TRABD2B: variants seen among roughly 807,000 people sequenced by gnomAD.
TRABD2B encodes TraB domain containing 2B, also known as metalloprotease TIKI2.
Under a neutral mutation model 40.1 loss-of-function variants are expected in TRABD2B, and 14 were observed. The observed-to-expected ratio is 0.35, with a 90% CI of 0.23 to 0.55. TRABD2B has a LOEUF of 0.55. TRABD2B is among the 20% of genes least tolerant of loss of function. The pLI is 0.90. For synonymous variants in TRABD2B, 263 were observed against 277.0 expected, an observed-to-expected ratio of 0.95 and a Z score of 0.50; for missense variants, 541 against 648.6, an observed-to-expected ratio of 0.83 and a Z score of 1.80.
At chr1:47,921,792 C>T (rs1162415424) in intron 2 of TRABD2B, among the ~76,000 whole-genome samples, 2 of 152,122 alleles carry the variant, frequency 1.3e-5, no homozygotes. Flanking sequence ...CTTGCAACCT[C>T]GGCATCTAAT....
At chr1:47,888,069 G>A (rs1644394609) in intron 2 of TRABD2B, among the ~76,000 whole-genome samples, 1 of 152,272 alleles carries the variant, frequency 6.6e-6, no homozygotes, top group African/African-American at 2.4e-5. Context: ...ATTATTGAAC[G>A]GGGGCTTGCA....
intron 2 of TRABD2B, among the ~76,000 whole-genome samples, chr1:47,826,512 A>G (rs1293889245): frequency 1.2e-4 from 18 of 152,204 alleles, no homozygotes; most frequent in Admixed American, 1.2e-3. Flanking sequence ...GATGTTAAAC[A>G]TACAAAGAGT....
At chr1:47,860,617 A>G (rs1480555825) in intron 2 of TRABD2B, among the ~76,000 whole-genome samples, 2 of 152,130 alleles carry the variant, frequency 1.3e-5, no homozygotes, top group Non-Finnish European at 2.9e-5. Flanking sequence ...AGGCTGTGCT[A>G]TGGTTTGAAT....
intron 3 of TRABD2B, among the ~76,000 whole-genome samples, chr1:47,798,403 C>T (rs1027190560): frequency 6.6e-6 from 1 of 152,244 alleles, no homozygotes; most frequent in South Asian, 2.1e-4. Context: ...TCAGGCCAGG[C>T]TTCCAAGGGG....
chr1:47,806,384 G>A (rs139921436), intron 2 of TRABD2B, among the ~76,000 whole-genome samples: 1 of 152,240 alleles, frequency 6.6e-6, no homozygotes, highest in Non-Finnish European at 1.5e-5. Flanking sequence ...CACTCACCCT[G>A]AATTCCCAAG....
chr1:47,950,756 GA>G (rs1645330986), intron 2 of TRABD2B, among the ~76,000 whole-genome samples: 1 of 152,186 alleles, frequency 6.6e-6, no homozygotes, highest in South Asian at 2.1e-4. Flanking sequence ...CAGAGTGGTG[GA>G]AAAATGTGTC....
Position 47,765,610 on chromosome 1 carries a change from T to C in TRABD2B, c.*292A>G. On this transcript the variant is annotated 3_prime_UTR_variant, in exon 7 of 7. Transcript: ENST00000606738. ...CCGGGCCAGCACTAGGGCTAGGGGG[T>C]TATAACACAGGCCACATAAGAATAG... 1 of 451,486 alleles carries C rather than the reference T, an allele frequency of 2.2e-6. No individual in the cohort carries two copies. The highest frequency in any genetic ancestry group is 2.2e-5 in the South Asian group (1 of 45,994). 28.0% of individuals were successfully genotyped at this position (451,486 alleles called of 1,614,324 possible).
intron 2 of TRABD2B, among the ~76,000 whole-genome samples, chr1:47,894,995 A>C (rs895334007): frequency 6.6e-5 from 10 of 152,122 alleles, no homozygotes. Flanking sequence ...CCACCACCCC[A>C]GTCCTGGCTC....
At chr1:47,898,949 T>C (rs1375105435) in intron 2 of TRABD2B, among the ~76,000 whole-genome samples, 2 of 152,210 alleles carry the variant, frequency 1.3e-5, no homozygotes, top group Non-Finnish European at 2.9e-5. Flanking sequence ...ACTCATTCAT[T>C]CATTCATTCA....
At chr1:47,918,840 G>A (rs1213092731) in intron 2 of TRABD2B, among the ~76,000 whole-genome samples, 1 of 152,230 alleles carries the variant, frequency 6.6e-6, no homozygotes, top group Non-Finnish European at 1.5e-5. Flanking sequence ...CACAGTCTGG[G>A]CTGTGGTTCC....
At chr1:47,810,163 C>T (rs996260397) in intron 2 of TRABD2B, among the ~76,000 whole-genome samples, 19 of 151,530 alleles carry the variant, frequency 1.3e-4, no homozygotes, top group East Asian at 3.9e-4. Flanking sequence ...TGCGCGCGCG[C>T]GCGCGCACGT....
chr1:47,919,671 T>C (rs1409879325), intron 2 of TRABD2B, among the ~76,000 whole-genome samples: 1 of 152,158 alleles, frequency 6.6e-6, no homozygotes, highest in Non-Finnish European at 1.5e-5. Context: ...GGGCAAGAGT[T>C]CTAAGGAGGA....
chr1:47,887,600 A>C (rs1644387840), intron 2 of TRABD2B, among the ~76,000 whole-genome samples: 1 of 152,202 alleles, frequency 6.6e-6, no homozygotes, highest in Admixed American at 6.5e-5. Flanking sequence ...GTGGGTGATT[A>C]CATGACAAAG....
intron 2 of TRABD2B, among the ~76,000 whole-genome samples, chr1:47,881,624 T>G (rs1644305307): frequency 6.6e-6 from 1 of 152,220 alleles, no homozygotes; most frequent in African/African-American, 2.4e-5. Flanking sequence ...TTTCTGGTTC[T>G]GAAGCCATGT....
chr1:47,957,504 T>C (rs1374016539), intron 2 of TRABD2B, among the ~76,000 whole-genome samples: 3 of 152,170 alleles, frequency 2.0e-5, no homozygotes, highest in Non-Finnish European at 4.4e-5. Flanking sequence ...ATAAACAGCA[T>C]ACAGAAGACC....
chr1:47,916,775 CCTT>C (rs1644835451), intron 2 of TRABD2B, among the ~76,000 whole-genome samples: 1 of 149,920 alleles, frequency 6.7e-6, no homozygotes, highest in South Asian at 2.1e-4. Flanking sequence ...TGGCTCTTCT[CCTT>C]CTCTATTCAA....
At position 47,764,691 on chromosome 1, in the gene TRABD2B, G is replaced by T. The variant is rs1227540606; in HGVS notation, c.*1211C>A. 2.0e-5 allele frequency: 3 copies of T among 152,286 alleles called. No individual in the cohort carries two copies. Among genetic ancestry groups the T allele is most frequent in the Admixed American group, 1.3e-4 (2 of 15,284 alleles). The allele number at this position is 152,286 out of a possible 1,614,324, so 9.4% of individuals were successfully genotyped here. On this transcript the variant is annotated 3_prime_UTR_variant, in exon 7 of 7. Coordinates refer to ENST00000606738, the MANE Select transcript of TRABD2B (RefSeq NM_001194986.2). Reference sequence around the variant, plus strand: ...CAAAAGGTTTCTTGGTGGAGTGAAAGCTTGTGCTGGCCCCAGTTTGGGTGA... The same window carrying T: ...CAAAAGGTTTCTTGGTGGAGTGAAATCTTGTGCTGGCCCCAGTTTGGGTGA...
chr1:47,882,092 G>C (rs10749872), intron 2 of TRABD2B, among the ~76,000 whole-genome samples: 46,807 of 152,250 alleles, frequency 0.31, 7,332 homozygotes, highest in East Asian at 0.46. Flanking sequence ...GCAGCAAGCA[G>C]GCAGGCAGGC....
At chr1:47,949,935 A>G (rs1269869925) in intron 2 of TRABD2B, among the ~76,000 whole-genome samples, 2 of 152,176 alleles carry the variant, frequency 1.3e-5, no homozygotes, top group Non-Finnish European at 2.9e-5. Flanking sequence ...ACAAAACTAT[A>G]AGAAGGAGGC....
Sources: gnomAD v4.1 joint callset for allele counts (sites outside exome capture counted in the v4.1 genomes callset) on GRCh38, gnomAD v4.1.1 for gene constraint, MANE v1.5 for transcripts, NCBI Gene and HGNC (gene_info 2026-07-23, HGNC 2026-07-21) for gene names.